Variants in NT5E observed in about 807,000 individuals in gnomAD.
NT5E encodes 5'-nucleotidase.
Under a neutral mutation model 55.1 loss-of-function variants are expected in NT5E, and 53 were observed. That is an observed-to-expected ratio of 0.96 (90% CI 0.77 to 1.21). NT5E has a LOEUF of 1.21. NT5E is among the 50% of genes most tolerant of loss of function. NT5E has a pLI of 0.00. For synonymous variants in NT5E, 270 were observed against 278.4 expected, an observed-to-expected ratio of 0.97 and a Z score of 0.30; for missense variants, 683 against 724.3, an observed-to-expected ratio of 0.94 and a Z score of 0.65.
At chr6:85,469,123 T>C (rs1769253465) in intron 2 of NT5E, among the ~76,000 whole-genome samples, 1 of 152,242 alleles carries the variant, frequency 6.6e-6, no homozygotes, top group Non-Finnish European at 1.5e-5. Context: ...CTAGCACATT[T>C]AATCTAATTT....
At chr6:85,484,916 G>A (rs185121907) in intron 3 of NT5E, among the ~76,000 whole-genome samples, 48 of 152,298 alleles carry the variant, frequency 3.2e-4, no homozygotes, top group African/African-American at 9.9e-4. Flanking sequence ...TGGCTAGTGA[G>A]AATGGAGCCA....
At position 85,491,159 on chromosome 6, in the gene NT5E, C is replaced by A. The variant is rs184677067; in HGVS notation, c.1360+502C>A. ...GTGACCTGGGGCAAGTTCTCAACCC[C>A]TCTGGGCACAGGGAGAAAACCTTTC... is the stretch of plus-strand genomic sequence containing the variant. On this transcript the variant is annotated intron_variant, in intron 7 of 8. Coordinates refer to ENST00000257770, the MANE Select transcript of NT5E (RefSeq NM_002526.4). 3.5e-4 allele frequency: 179 copies of A among 505,756 alleles called. 1 individual carries two copies. The highest frequency in any genetic ancestry group is 3.1e-3 in the African/African-American group (158 of 51,418). 31.3% of individuals were successfully genotyped at this position (505,756 alleles called of 1,614,324 possible). A position where few individuals can be genotyped will look rare whatever the true frequency, so the allele number is the denominator to read the frequency against.
At chr6:85,481,709 A>G (rs943347890) in intron 3 of NT5E, among the ~76,000 whole-genome samples, 1 of 152,238 alleles carries the variant, frequency 6.6e-6, no homozygotes, top group African/African-American at 2.4e-5. Context: ...GGGCAGACTG[A>G]ATGTTCCAGA....
intron 1 of NT5E, among the ~76,000 whole-genome samples, chr6:85,465,937 A>G (rs897006379): frequency 3.9e-5 from 6 of 152,356 alleles, no homozygotes; most frequent in African/African-American, 1.4e-4. Context: ...GCCTGTTCCT[A>G]GATGACCCAC....
chr6:85,467,728 T>C (rs1582374826), intron 2 of NT5E, among the ~76,000 whole-genome samples: 1 of 152,178 alleles, frequency 6.6e-6, no homozygotes, highest in Non-Finnish European at 1.5e-5. Flanking sequence ...TTCTCGCTTT[T>C]CATTATTCAT....
At position 85,450,910 on chromosome 6, in the gene NT5E, G is replaced by A. The variant is rs917405913; in HGVS notation, c.339+432G>A. On this transcript the variant is annotated intron_variant, in intron 1 of 8. Coordinates refer to ENST00000257770, the MANE Select transcript of NT5E (RefSeq NM_002526.4). The surrounding 1 kb of genome is among the most constrained non-coding windows in gnomAD (Gnocchi z 4.0). Reference sequence around the variant, plus strand: ...TTGAAAGGGAAACCGCGTCGAAGAAGCTGAATAAATTAACAGGCACCATCC... The same window carrying A: ...TTGAAAGGGAAACCGCGTCGAAGAAACTGAATAAATTAACAGGCACCATCC... Among the ~76,000 whole-genome samples the A allele has an allele frequency of 9.2e-5, 14 of 152,224 alleles. No individual in the cohort carries two copies. The highest frequency in any genetic ancestry group is 3.4e-4 in the African/African-American group (14 of 41,458).
At chr6:85,469,756 G>A (rs1026420072) in intron 2 of NT5E, among the ~76,000 whole-genome samples, 15 of 152,320 alleles carry the variant, frequency 9.8e-5, no homozygotes, top group Admixed American at 6.5e-4. Flanking sequence ...AGACAGCCTT[G>A]CCTGTCCAAC....
Position 85,471,231 on chromosome 6 carries a change from C to A in NT5E, c.563-6C>A. On this transcript the variant is annotated splice_polypyrimidine_tract_variant and splice_region_variant and intron_variant, in intron 2 of 8. Coordinates refer to ENST00000257770, the MANE Select transcript of NT5E (RefSeq NM_002526.4). ...AAATATCCATTTTATTTATTTTGTT[C>A]CTTAGGGACAAATTTAGTGTTTGAA... The A allele has an allele frequency of 6.3e-7, 1 of 1,593,084 alleles. No homozygotes were observed. Among genetic ancestry groups the A allele is most frequent in the Non-Finnish European group, 8.6e-7 (1 of 1,165,652 alleles).
intron 3 of NT5E, among the ~76,000 whole-genome samples, chr6:85,481,845 G>A (rs1451113707): frequency 6.6e-6 from 1 of 152,208 alleles, no homozygotes; most frequent in Non-Finnish European, 1.5e-5. Context: ...TTATGTTTTA[G>A]AAAGATCACT....
Position 85,484,618 on chromosome 6 carries a change from C to T in NT5E, c.752-617C>T, listed in dbSNP as rs571970064. Among the ~76,000 whole-genome samples, 7 of 152,240 alleles carry T rather than the reference C, an allele frequency of 4.6e-5. 1 individual carries two copies. The highest frequency in any genetic ancestry group is 4.1e-4 in the South Asian group (2 of 4,832). On this transcript the variant is annotated intron_variant, in intron 3 of 8. Transcript: ENST00000257770. ...AAGGGATGCAGAATTTAGCAGCAAA[C>T]GCCAAGAACAGCTCTTTGTCATCTC... is the stretch of plus-strand genomic sequence containing the variant.
At chr6:85,491,368 G>T in intron 7 of NT5E, 1 of 326,818 alleles carries the variant, frequency 3.1e-6, no homozygotes, top group Non-Finnish European at 6.0e-6. Flanking sequence ...TTGTGGTCCC[G>T]CTTGACAGAT....
At chr6:85,485,561 C>CAA in intron 4 of NT5E, 129 bp downstream of exon 4, 1 of 973,276 alleles carries the variant, frequency 1.0e-6, no homozygotes, top group Non-Finnish European at 1.6e-6. Flanking sequence ...TTAGTTTCTT[C>CAA]CTTGAGTTTG....
rs1194289258 is a variant in NT5E, at chr6:85,493,868, C to T, written c.1589C>T (p.Thr530Ile). 2 of 1,613,882 alleles carry T rather than the reference C, an allele frequency of 1.2e-6. No individual in the cohort carries two copies. The highest frequency in any genetic ancestry group is 2.2e-5 in the South Asian group (2 of 91,062). ...GACCAAGATATCAACGTGGTTTCTACATATATCTCCAAAATGAAAGTAATT... is the reference window on the plus strand; with the variant it reads ...GACCAAGATATCAACGTGGTTTCTATATATATCTCCAAAATGAAAGTAATT... ...SGDQDINVVS[T>I]YISKMKVIYP... Residue 530 changes from threonine (T) to isoleucine (I), a missense_variant, in exon 9 of 9, where the codon ACA becomes ATA. Physicochemically the swap from Thr to Ile is moderately conservative, Grantham distance 89 (BLOSUM62 -1). Coordinates refer to ENST00000257770, the MANE Select transcript of NT5E (RefSeq NM_002526.4).
intron 1 of NT5E, among the ~76,000 whole-genome samples, chr6:85,453,186 C>T (rs1768922865): frequency 6.6e-6 from 1 of 152,120 alleles, no homozygotes; most frequent in Non-Finnish European, 1.5e-5. Flanking sequence ...ACTGTTGTCC[C>T]CTGAGGCACG....
intron 1 of NT5E, among the ~76,000 whole-genome samples, chr6:85,451,248 G>C (rs1582364585): frequency 2.0e-5 from 3 of 152,138 alleles, no homozygotes; most frequent in Non-Finnish European, 4.4e-5. Context: ...GAGAAAGAAA[G>C]AAAGAAACTT....
chr6:85,471,085 G>T (rs1769294527), intron 2 of NT5E, 152 bp from the exon 3 acceptor site: 1 of 479,796 alleles, frequency 2.1e-6, no homozygotes, highest in Non-Finnish European at 3.6e-6. Flanking sequence ...ACTTCTTAGG[G>T]GTTTTGTATT....
intron 7 of NT5E, among the ~76,000 whole-genome samples, 174 bp from the exon 8 acceptor site, chr6:85,491,803 C>T (rs1769790004): frequency 6.6e-6 from 1 of 152,144 alleles, no homozygotes; most frequent in African/African-American, 2.4e-5. Context: ...CCTGTAAGGA[C>T]TCAAGGATAA....
chr6:85,494,064 C>T lies in NT5E; in HGVS notation c.*60C>T. ...GCATTTTTTCAAGTGAGATTCAAAT[C>T]TGCCTTTTAGGACCTGGCTTTGTGA... On this transcript the variant is annotated 3_prime_UTR_variant, in exon 9 of 9. Coordinates refer to ENST00000257770, the MANE Select transcript of NT5E (RefSeq NM_002526.4). 6.4e-7 allele frequency: 1 copy of T among 1,564,092 alleles called. No individual in the cohort carries two copies. The highest frequency in any genetic ancestry group is 8.8e-7 in the Non-Finnish European group (1 of 1,138,344).
In NT5E at chr6:85,489,590, C is replaced by T. The variant is rs144719925; in HGVS notation, c.1201C>T (p.Arg401Cys). 8.3e-5 allele frequency: 133 copies of T among 1,608,856 alleles called. No homozygotes were observed. The highest frequency in any genetic ancestry group is 3.3e-4 in the East Asian group (15 of 44,822). ...TGGTATCCGGTCGCCCATTGATGAA[C>T]GCAACAATGGTATGCTCCCAGGCCC... is the stretch of plus-strand genomic sequence containing the variant. ...GGGIRSPIDE[R>C]NNGTITWENL... Residue 401 changes from arginine to cysteine, a missense_variant, in exon 6 of 9, where the codon CGC becomes TGC. Transcript: ENST00000257770.
Sources: allele counts gnomAD v4.1 joint callset (sites outside exome capture counted in the v4.1 genomes callset), GRCh38; gene constraint gnomAD v4.1.1; non-coding constraint Gnocchi (gnomAD v3.1); transcripts MANE v1.5; gene names NCBI Gene and HGNC (gene_info 2026-07-23, HGNC 2026-07-21).